MCF2L2: variants seen among roughly 807,000 people sequenced by gnomAD.
The protein encoded by MCF2L2 is MCF.2 cell line derived transforming sequence-like 2.
MCF2L2 carries 102 observed loss-of-function variants against 150.2 expected under a neutral mutation model. The observed-to-expected ratio is 0.68, with a 90% CI of 0.58 to 0.80. The LOEUF is 0.80. Ranked by LOEUF, MCF2L2 falls within the 30% of genes least tolerant of loss-of-function variation. The pLI is 0.00. For synonymous variants in MCF2L2, 465 were observed against 491.3 expected, an observed-to-expected ratio of 0.95 and a Z score of 0.71; for missense variants, 1,256 against 1,372.8, an observed-to-expected ratio of 0.91 and a Z score of 1.34.
chr3:183,286,023 A>C (rs1369768385), intron 14 of MCF2L2, among the ~76,000 whole-genome samples: 1 of 152,188 alleles, frequency 6.6e-6, no homozygotes, highest in African/African-American at 2.4e-5. Flanking sequence ...GCTTTCCCAG[A>C]TGACGTCAGT....
At chr3:183,186,723 G>A (rs117414555) in intron 27 of MCF2L2, among the ~76,000 whole-genome samples, 11 of 152,222 alleles carry the variant, frequency 7.2e-5, no homozygotes, top group East Asian at 3.9e-4. Flanking sequence ...GTGAAACTCC[G>A]TCTCAAAAGT....
intron 9 of MCF2L2, 72 bp downstream of exon 9, chr3:183,310,842 AG>A: frequency 1.0e-6 from 1 of 977,418 alleles, no homozygotes; most frequent in Admixed American, 2.1e-5. Flanking sequence ...CCCATACCAA[AG>A]AGTGAGGAGG....
intron 2 of MCF2L2, among the ~76,000 whole-genome samples, chr3:183,387,065 G>C (rs908763460): frequency 6.6e-6 from 1 of 152,172 alleles, no homozygotes; most frequent in African/African-American, 2.4e-5. Context: ...AGACCAGCCT[G>C]GGCAACATGG....
chr3:183,381,779 T>C (rs1051679531), intron 2 of MCF2L2, among the ~76,000 whole-genome samples: 4 of 152,188 alleles, frequency 2.6e-5, no homozygotes, highest in Admixed American at 2.0e-4. Context: ...TCAAGACAAG[T>C]ATATTGAACT....
At chr3:183,402,451 CAAAAAAAAAAAA>C (rs779201489) in intron 1 of MCF2L2, among the ~76,000 whole-genome samples, 3 of 54,776 alleles carry the variant, frequency 5.5e-5, no homozygotes, top group African/African-American at 1.4e-4. Flanking sequence ...GAGACTCCAT[CAAAAAAAAAAAA>C]AAAAAAAAAA....
At chr3:183,367,825 A>G (rs1712630292) in intron 3 of MCF2L2, among the ~76,000 whole-genome samples, 1 of 152,182 alleles carries the variant, frequency 6.6e-6, no homozygotes, top group Non-Finnish European at 1.5e-5. Context: ...AGGTGAGAGA[A>G]AGCATCATAA....
intron 1 of MCF2L2, 65 bp downstream of exon 1, chr3:183,427,837 T>G: frequency 7.1e-7 from 1 of 1,407,134 alleles, no homozygotes; most frequent in Non-Finnish European, 1.0e-6. Context: ...AGGAGCCAGA[T>G]GAAGCCCAGA....
chr3:183,338,523 A>G (rs983856303), intron 5 of MCF2L2, among the ~76,000 whole-genome samples: 16 of 152,026 alleles, frequency 1.1e-4, no homozygotes, highest in Non-Finnish European at 2.9e-5. Flanking sequence ...TAAAATCCAA[A>G]ACCTGCCTCC....
chr3:183,336,778 T>C (rs1408826265), intron 5 of MCF2L2, among the ~76,000 whole-genome samples: 1 of 151,590 alleles, frequency 6.6e-6, no homozygotes, highest in African/African-American at 2.4e-5. Context: ...TGCTTGAACC[T>C]GTGTGGGGCA....
intron 1 of MCF2L2, among the ~76,000 whole-genome samples, chr3:183,417,887 G>A (rs952144505): frequency 1.3e-5 from 2 of 152,114 alleles, no homozygotes; most frequent in Non-Finnish European, 2.9e-5. Context: ...GGGTGCAGTG[G>A]AAACTGCCAC....
chr3:183,414,097 G>A (rs533057782), intron 1 of MCF2L2, among the ~76,000 whole-genome samples: 1 of 152,186 alleles, frequency 6.6e-6, no homozygotes, highest in African/African-American at 2.4e-5. Context: ...CATAAAATGA[G>A]TTGTGGAATA....
At chr3:183,407,626 TA>T (rs1715110325) in intron 1 of MCF2L2, among the ~76,000 whole-genome samples, 1 of 152,214 alleles carries the variant, frequency 6.6e-6, no homozygotes, top group African/African-American at 2.4e-5. Flanking sequence ...TCTTTCTTTT[TA>T]AAATCTGGGT....
intron 1 of MCF2L2, among the ~76,000 whole-genome samples, chr3:183,415,562 C>T (rs35499433): frequency 0.17 from 26,431 of 151,958 alleles, 3,130 homozygotes; most frequent in African/African-American, 0.34. Context: ...CATTTTTAGG[C>T]GTTTGTAATT....
At chr3:183,354,760 T>C (rs1711660654) in intron 3 of MCF2L2, among the ~76,000 whole-genome samples, 1 of 152,224 alleles carries the variant, frequency 6.6e-6, no homozygotes, top group Admixed American at 6.5e-5. Context: ...CTTGGGCACA[T>C]GTTCTTAGGA....
At chr3:183,240,011 TC>T (rs536120171) in intron 15 of MCF2L2, among the ~76,000 whole-genome samples, 20 of 152,088 alleles carry the variant, frequency 1.3e-4, no homozygotes, top group Non-Finnish European at 2.8e-4. Flanking sequence ...TGTTTCAAAC[TC>T]CCCCCTCCAA....
chr3:183,377,618 A>G (rs1168969820), intron 3 of MCF2L2: 1 of 152,152 alleles, frequency 6.6e-6, no homozygotes, highest in African/African-American at 2.4e-5. Context: ...AGGCAGAAAT[A>G]ATTTCCATAG....
intron 1 of MCF2L2, among the ~76,000 whole-genome samples, chr3:183,423,724 C>T (rs113087937): frequency 4.0e-5 from 6 of 150,828 alleles, no homozygotes; most frequent in African/African-American, 9.8e-5. Context: ...CCGCAACCTC[C>T]GCCTCCCGGG....
intron 15 of MCF2L2, among the ~76,000 whole-genome samples, chr3:183,251,476 G>A (rs200663967): frequency 1.5e-3 from 234 of 152,160 alleles, no homozygotes; most frequent in Non-Finnish European, 2.8e-3. Flanking sequence ...CTCTTTCTGT[G>A]CCTTATCTAT....
At chr3:183,203,883 C>A (rs1425625529) in intron 25 of MCF2L2, among the ~76,000 whole-genome samples, 2 of 152,126 alleles carry the variant, frequency 1.3e-5, no homozygotes, top group African/African-American at 4.8e-5. Context: ...CAGCTGATTT[C>A]TATCAGAAAT....
Sources: allele counts gnomAD v4.1 joint callset (sites outside exome capture counted in the v4.1 genomes callset), GRCh38; gene constraint gnomAD v4.1.1; transcripts MANE v1.5; gene names NCBI Gene and HGNC (gene_info 2026-07-23, HGNC 2026-07-21).